SLAIN1: variants seen among roughly 807,000 people sequenced by gnomAD.
The protein encoded by SLAIN1 is SLAIN motif-containing protein 1.
A neutral mutation model predicts 55.4 loss-of-function variants in SLAIN1; 17 were observed. The ratio of observed to expected loss-of-function variants is 0.31; its 90% CI spans 0.21 to 0.46. The LOEUF (loss-of-function observed/expected upper bound fraction) is 0.46. SLAIN1 is among the 20% of genes least tolerant of loss of function. SLAIN1 has a pLI of 1.00. For synonymous variants in SLAIN1, 348 were observed against 337.4 expected (o/e 1.03, Z -0.35); for missense variants, 682 against 785.1 (o/e 0.87, Z 1.57).
chr13:77,724,192 G>C (rs1231405313), intron 2 of SLAIN1, among the ~76,000 whole-genome samples: 1 of 152,162 alleles, frequency 6.6e-6, no homozygotes, highest in African/African-American at 2.4e-5. Context: ...TTTGATCAAA[G>C]TAGGAGAGGA....
chr13:77,715,043 T>A (rs1370277797), intron 1 of SLAIN1, among the ~76,000 whole-genome samples: 1 of 152,170 alleles, frequency 6.6e-6, no homozygotes, highest in African/African-American at 2.4e-5. Flanking sequence ...AATTTTCGTA[T>A]TTTTAGTAGA....
At position 77,719,640 on chromosome 13, in the gene SLAIN1, G is replaced by A. The variant is rs775808483; in HGVS notation, c.735G>A (p.Ala245=). Residue 245 remains alanine, a synonymous_variant, in exon 2 of 7, where the codon GCG becomes GCA. Transcript: ENST00000418532. Reference sequence around the variant, plus strand: ...ACCCAACTCCTGAGATGGAAGCAGCGAGACGTTCCCTGTGCTTTAGACTGG... The same window carrying A: ...ACCCAACTCCTGAGATGGAAGCAGCAAGACGTTCCCTGTGCTTTAGACTGG... ...LDNPTPEMEA[A]RRSLCFRLEQ... 19 of 1,613,348 alleles carry A rather than the reference G, an allele frequency of 1.2e-5. No homozygotes were observed. The highest frequency in any genetic ancestry group is 8.8e-5 in the South Asian group (8 of 91,036).
In SLAIN1 at chr13:77,721,078, C is replaced by G. The variant is rs528696952; in HGVS notation, c.766+1407C>G. On this transcript the variant is annotated intron_variant, in intron 2 of 6. Coordinates refer to ENST00000418532, the MANE Select transcript of SLAIN1 (RefSeq NM_001242868.2). ...TGGCTCTGTGTTCCCAGCCAAATCT[C>G]ATCTCCATTTGTAATCCTCACATGT... 1.8e-4 allele frequency among the ~76,000 whole-genome samples: 27 copies of G among 152,262 alleles called. No homozygotes were observed. In the East Asian group the frequency reaches 4.4e-3, roughly 25 times the overall value.
At chr13:77,743,655 G>C (rs1249015630) in intron 2 of SLAIN1, among the ~76,000 whole-genome samples, 1 of 151,578 alleles carries the variant, frequency 6.6e-6, no homozygotes, top group East Asian at 1.9e-4. Context: ...TTTGTTCTTT[G>C]GTTCTTTTAT....
intron 6 of SLAIN1, 64 bp downstream of exon 6, chr13:77,761,174 G>A: frequency 9.2e-6 from 14 of 1,517,402 alleles, no homozygotes; most frequent in South Asian, 8.4e-5. Flanking sequence ...CCAGACACAC[G>A]CTGACTTTTC....
intron 5 of SLAIN1, 119 bp downstream of exon 5, chr13:77,753,477 T>A: frequency 5.8e-6 from 3 of 521,138 alleles, no homozygotes; most frequent in Non-Finnish European, 8.3e-6. Flanking sequence ...AACACTAAAC[T>A]TTTTTCCTTG....
chr13:77,732,481 A>G (rs1264558707), intron 2 of SLAIN1, among the ~76,000 whole-genome samples: 3 of 151,478 alleles, frequency 2.0e-5, no homozygotes, highest in Non-Finnish European at 4.4e-5. Flanking sequence ...CTAAATTGGA[A>G]GCAGCCGTCT....
In SLAIN1 at chr13:77,698,327, C is replaced by T. The variant is rs1594242771; in HGVS notation, c.414C>T (p.Ser138=). 3 of 1,448,526 alleles carry T rather than the reference C, an allele frequency of 2.1e-6. No homozygotes were observed. Among genetic ancestry groups the T allele is most frequent in the African/African-American group, 1.5e-5 (1 of 67,718 alleles). 89.7% of individuals were successfully genotyped at this position (1,448,526 alleles called of 1,614,324 possible). The change falls in exon 1 of 7, where the codon AGC becomes AGT. Residue 138 remains serine (S), a synonymous_variant. Transcript: ENST00000418532. The surrounding 1 kb of genome is among the most constrained non-coding windows in gnomAD (Gnocchi z 4.1). ...GCCCCGCGCCCTCCCTGCTTTGCAG[C>T]CTGGCGCAGCCACCCGAGGCGCCCT... ...LPSPAPSLLC[S]LAQPPEAPFV... is the part of the protein sequence containing the mutation.
intron 2 of SLAIN1, among the ~76,000 whole-genome samples, chr13:77,742,152 A>G (rs1355743560): frequency 2.0e-5 from 3 of 151,868 alleles, no homozygotes; most frequent in Admixed American, 1.3e-4. Flanking sequence ...TTTGGAGGGG[A>G]GAAGTACATT....
At position 77,746,700 on chromosome 13, in the gene SLAIN1, A is replaced by G; in HGVS notation, c.1103A>G (p.Gln368Arg). 1.2e-6 allele frequency: 2 copies of G among 1,613,794 alleles called. No homozygotes were observed. Among genetic ancestry groups the G allele is most frequent in the Non-Finnish European group, 1.7e-6 (2 of 1,179,820 alleles). ...QPRLPRCSPF[Q>R]RGIPHSQTFS... ...CGTCTTCCAAGATGTTCCCCTTTCC[A>G]AAGAGGAATTCCCCATTCACAGACT... Residue 368 changes from glutamine (Q) to arginine (R), a missense_variant, in exon 4 of 7, where the codon CAA becomes CGA. Around this residue, in one of 3 missense-constraint regions of SLAIN1, gnomAD observed 244 missense variants for 295.2 expected, o/e 0.83. Coordinates refer to ENST00000418532, the MANE Select transcript of SLAIN1 (RefSeq NM_001242868.2).
rs993224466 is a variant in SLAIN1, at chr13:77,698,778, C to G, written c.626+239C>G. Reference sequence around the variant, plus strand: ...TCCGACTGCGGATGAACCGGCCCCCCCTTCCCCCCATCTGCCATGGGTTCT... The same window carrying G: ...TCCGACTGCGGATGAACCGGCCCCCGCTTCCCCCCATCTGCCATGGGTTCT... On this transcript the variant is annotated intron_variant, in intron 1 of 6. Coordinates refer to ENST00000418532, the MANE Select transcript of SLAIN1 (RefSeq NM_001242868.2). The surrounding 1 kb of genome is among the most constrained non-coding windows in gnomAD (Gnocchi z 4.1). The G allele has an allele frequency of 4.5e-5, 56 of 1,236,642 alleles. No homozygotes were observed. The highest frequency in any genetic ancestry group is 3.3e-4 in the Admixed American group (12 of 36,006). The allele number at this position is 1,236,642 out of a possible 1,614,324, so 76.6% of individuals were successfully genotyped here.
chr13:77,713,287 C>G (rs1279382), intron 1 of SLAIN1, among the ~76,000 whole-genome samples: 60,419 of 151,902 alleles, frequency 0.4, 13,188 homozygotes, highest in African/African-American at 0.58. Context: ...CCTGACAAAG[C>G]GCTAATATCC....
chr13:77,712,719 C>T (rs1005535210), intron 1 of SLAIN1, among the ~76,000 whole-genome samples: 12 of 152,142 alleles, frequency 7.9e-5, no homozygotes, highest in Admixed American at 5.9e-4. Context: ...TTTCAAATTT[C>T]ATATGGAACC....
At chr13:77,762,405 A>T (rs9805771) in intron 6 of SLAIN1, among the ~76,000 whole-genome samples, 1,890 of 152,190 alleles carry the variant, frequency 0.012, 32 homozygotes, top group Middle Eastern at 0.051. Flanking sequence ...TTAAATTTAA[A>T]TTTTTTATTT....
intron 1 of SLAIN1, among the ~76,000 whole-genome samples, chr13:77,717,360 T>C (rs1298125): frequency 0.17 from 25,505 of 152,150 alleles, 2,531 homozygotes; most frequent in African/African-American, 0.29. Flanking sequence ...TCCCTCCTCT[T>C]CTGTTTTTCG....
Position 77,698,230 on chromosome 13 carries a change from G to T in SLAIN1, c.317G>T (p.Gly106Val), listed in dbSNP as rs2090993895. 3 of 1,338,146 alleles carry T rather than the reference G, an allele frequency of 2.2e-6. No homozygotes were observed. Among genetic ancestry groups the T allele is most frequent in the South Asian group, 1.8e-5 (1 of 55,122 alleles). The allele number at this position is 1,338,146 out of a possible 1,614,324, so 82.9% of individuals were successfully genotyped here. A position where few individuals can be genotyped will look rare whatever the true frequency, so the allele number is the denominator to read the frequency against. Residue 106 changes from glycine (G) to valine (V), a missense_variant, in exon 1 of 7, where the codon GGC becomes GTC. By Grantham distance (109) the Gly-to-Val change is moderately radical (BLOSUM62 -3). Coordinates refer to ENST00000418532, the MANE Select transcript of SLAIN1 (RefSeq NM_001242868.2). The surrounding 1 kb of genome is among the most constrained non-coding windows in gnomAD (Gnocchi z 4.1). ...CTCGGGCTGGCGCTGGGCGCGGGGG[G>T]CGGTGGCGGCAGCGGTAGTGGCAGC... is the stretch of plus-strand genomic sequence containing the variant. The part of the protein sequence containing the change: ...LGLGLALGAG[G>V]GGGSGSGSGG...
In SLAIN1 at chr13:77,763,132, T is replaced by C. The variant is rs1875185556; in HGVS notation, c.1698-13T>C. The C allele has an allele frequency of 1.2e-6, 2 of 1,610,390 alleles. No individual in the cohort carries two copies. Among genetic ancestry groups the C allele is most frequent in the Admixed American group, 3.3e-5 (2 of 59,970 alleles). ...TAACAATCTCTCTCTCTGTTTTTCT[T>C]GTCTCTTTTTAGTTTTCTTCAGCCT... On this transcript the variant is annotated splice_polypyrimidine_tract_variant and intron_variant, in intron 6 of 6. Transcript: ENST00000418532.
chr13:77,763,383 T>C lies in SLAIN1; in HGVS notation c.*163T>C. 1.7e-6 allele frequency: 1 copy of C among 600,888 alleles called. No individual in the cohort carries two copies. The highest frequency in any genetic ancestry group is 2.9e-6 in the Non-Finnish European group (1 of 340,290). The allele number at this position is 600,888 out of a possible 1,614,324, so 37.2% of individuals were successfully genotyped here. A position where few individuals can be genotyped will look rare whatever the true frequency, so the allele number is the denominator to read the frequency against. On this transcript the variant is annotated 3_prime_UTR_variant, in exon 7 of 7. Transcript: ENST00000418532. The stretch of plus-strand genomic sequence containing the variant: ...GGACCAGTCACCAGAGACTAATTAT[T>C]GCACTTAAATATTTGCCTGAGATAC...
At chr13:77,724,377 C>T (rs1566229367) in intron 2 of SLAIN1, among the ~76,000 whole-genome samples, 2 of 152,126 alleles carry the variant, frequency 1.3e-5, no homozygotes, top group Admixed American at 1.3e-4. Flanking sequence ...GCTGTAAGGC[C>T]ATAGAACAGA....
Sources: gnomAD v4.1 joint callset for allele counts (sites outside exome capture counted in the v4.1 genomes callset) on GRCh38, gnomAD v4.1.1 for gene constraint, gnomAD v4.1.1 regional missense constraint, Gnocchi (gnomAD v3.1) non-coding constraint, MANE v1.5 for transcripts, NCBI Gene and HGNC (gene_info 2026-07-23, HGNC 2026-07-21) for gene names.